Variants in MKLN1 observed in about 807,000 individuals in gnomAD.
MKLN1 encodes muskelin 1.
MKLN1 carries 18 observed loss-of-function variants against 99.0 expected under a neutral mutation model. That is an observed-to-expected ratio of 0.18 (90% CI 0.13 to 0.27). MKLN1 has a LOEUF of 0.27. Ranked by LOEUF, MKLN1 falls within the 10% of genes least tolerant of loss-of-function variation. The pLI is 1.00. For synonymous variants in MKLN1, 288 were observed against 293.2 expected (o/e 0.98, Z 0.18); for missense variants, 621 against 875.9 (o/e 0.71, Z 3.67).
intron 3 of MKLN1, among the ~76,000 whole-genome samples, chr7:131,248,165 A>G (rs1797523641): frequency 6.6e-6 from 1 of 152,098 alleles, no homozygotes; most frequent in African/African-American, 2.4e-5. Context: ...GGCTCAAGTG[A>G]TCTGCCTCCC....
rs1797497688 is a variant in MKLN1 at position 131,494,379 on chromosome 7, A to G, written c.*6651A>G. On this transcript the variant is annotated 3_prime_UTR_variant, in exon 18 of 18. Transcript: ENST00000352689. ...GTTACAACAAAGGAGAGGATCCTACACCATTAGAGCCATGCCATCAGGTGT... is the reference window on the plus strand; with the variant it reads ...GTTACAACAAAGGAGAGGATCCTACGCCATTAGAGCCATGCCATCAGGTGT... The G allele has an allele frequency of 6.6e-6, 1 of 152,178 alleles. No individual in the cohort carries two copies. The highest frequency in any genetic ancestry group is 2.1e-4 in the South Asian group (1 of 4,830). 9.4% of individuals were successfully genotyped at this position (152,178 alleles called of 1,614,324 possible).
At chr7:131,351,382 T>A (rs1431693780) in intron 1 of MKLN1, among the ~76,000 whole-genome samples, 1 of 152,246 alleles carries the variant, frequency 6.6e-6, no homozygotes, top group East Asian at 1.9e-4. Context: ...CAGTTGTTTC[T>A]ATGGTGGCAT....
chr7:131,358,520 G>C (rs748722611), intron 1 of MKLN1, among the ~76,000 whole-genome samples: 2 of 152,122 alleles, frequency 1.3e-5, no homozygotes, highest in Non-Finnish European at 1.5e-5. Flanking sequence ...TCTGGTTTTT[G>C]TATTAGGTTA....
intron 16 of MKLN1, among the ~76,000 whole-genome samples, chr7:131,476,674 CT>C (rs1796976710): frequency 6.6e-6 from 1 of 152,100 alleles, no homozygotes; most frequent in Admixed American, 6.5e-5. Flanking sequence ...CCAAATTGGC[CT>C]TTATTTTAAT....
chr7:131,175,481 T>C (rs1389312612), intron 2 of MKLN1, among the ~76,000 whole-genome samples: 3 of 152,210 alleles, frequency 2.0e-5, no homozygotes, highest in Admixed American at 6.5e-5. Context: ...TGGTGAAGAA[T>C]TGATACCCTA....
intron 3 of MKLN1, 92 bp downstream of exon 3, chr7:131,387,354 T>C: frequency 2.4e-6 from 3 of 1,241,012 alleles, no homozygotes; most frequent in Middle Eastern, 2.0e-4. Flanking sequence ...GATTTTTCTT[T>C]CAAAGGAGAA....
chr7:131,264,489 T>G (rs1393499357), intron 3 of MKLN1, among the ~76,000 whole-genome samples: 1 of 152,208 alleles, frequency 6.6e-6, no homozygotes, highest in Non-Finnish European at 1.5e-5. Context: ...GAACTAATTT[T>G]GAATAGTTTC....
intron 6 of MKLN1, among the ~76,000 whole-genome samples, chr7:131,406,271 C>A (rs879650280): frequency 3.3e-5 from 5 of 151,550 alleles, no homozygotes; most frequent in Non-Finnish European, 7.4e-5. Flanking sequence ...AGAGAAATAT[C>A]TCCTATAAAT....
At chr7:131,233,858 A>T (rs1797277561) in intron 3 of MKLN1, among the ~76,000 whole-genome samples, 1 of 152,170 alleles carries the variant, frequency 6.6e-6, no homozygotes, top group Non-Finnish European at 1.5e-5. Flanking sequence ...ATCATAGTAA[A>T]AACACATACC....
intron 3 of MKLN1, among the ~76,000 whole-genome samples, chr7:131,275,415 C>G (rs1487704158): frequency 2.4e-5 from 3 of 127,350 alleles, no homozygotes; most frequent in South Asian, 5.5e-4. Context: ...GTCTCCCAGG[C>G]TGGAGTGCAG....
intron 8 of MKLN1, among the ~76,000 whole-genome samples, chr7:131,418,565 A>G (rs1795095665): frequency 6.6e-6 from 1 of 152,186 alleles, no homozygotes; most frequent in South Asian, 2.1e-4. Flanking sequence ...CTTGGGCCAC[A>G]TTGAAAGCCA....
At chr7:131,417,854 A>G (rs1395277297) in intron 8 of MKLN1, among the ~76,000 whole-genome samples, 2 of 152,234 alleles carry the variant, frequency 1.3e-5, no homozygotes, top group African/African-American at 4.8e-5. Flanking sequence ...TACAATTACC[A>G]GTGATTTAAA....
chr7:131,144,203 T>C, intron 2 of MKLN1, among the ~76,000 whole-genome samples: 1 of 152,092 alleles, frequency 6.6e-6, no homozygotes, highest in East Asian at 1.9e-4. Flanking sequence ...AAAGTTTTTC[T>C]TTTGGCCGGG....
intron 9 of MKLN1, among the ~76,000 whole-genome samples, chr7:131,431,344 T>A (rs1028706585): frequency 2.0e-5 from 3 of 152,230 alleles, no homozygotes; most frequent in Non-Finnish European, 2.9e-5. Context: ...TTTACACTGT[T>A]TATTACATTA....
chr7:131,220,147 C>T (rs1797040104), intron 3 of MKLN1, among the ~76,000 whole-genome samples: 1 of 152,202 alleles, frequency 6.6e-6, no homozygotes, highest in Non-Finnish European at 1.5e-5. Context: ...AATGTAACCA[C>T]ACATGAACAG....
upstream of MKLN1, among the ~76,000 whole-genome samples, chr7:131,324,892 T>C (rs1281488624): frequency 4.6e-5 from 7 of 152,222 alleles, no homozygotes; most frequent in Admixed American, 3.9e-4. Flanking sequence ...TATCATAATA[T>C]AGCTGTCTGT....
intron 1 of MKLN1, among the ~76,000 whole-genome samples, chr7:131,362,330 A>G (rs1256671265): frequency 6.6e-6 from 1 of 152,004 alleles, no homozygotes; most frequent in African/African-American, 2.4e-5. Flanking sequence ...GTGGTCTGTT[A>G]TTGACAGAAA....
intron 17 of MKLN1, among the ~76,000 whole-genome samples, chr7:131,482,877 A>G (rs1049579495): frequency 6.6e-6 from 1 of 152,202 alleles, no homozygotes; most frequent in African/African-American, 2.4e-5. Context: ...CAGTAGCCCT[A>G]TGAAGTAGCT....
chr7:131,217,184 G>C (rs1796994934), intron 3 of MKLN1, among the ~76,000 whole-genome samples: 1 of 152,104 alleles, frequency 6.6e-6, no homozygotes, highest in African/African-American at 2.4e-5. Flanking sequence ...CATTAAAATT[G>C]CAAAACTTAT....
Sources: gnomAD v4.1 joint callset for allele counts (sites outside exome capture counted in the v4.1 genomes callset) on GRCh38, gnomAD v4.1.1 for gene constraint, MANE v1.5 for transcripts, NCBI Gene and HGNC (gene_info 2026-07-23, HGNC 2026-07-21) for gene names.